The following MTUS2 variants were observed in gnomAD, a reference collection of about 807,000 sequenced individuals.
The protein encoded by MTUS2 is microtubule associated scaffold protein 2, also known as microtubule-associated tumor suppressor candidate 2.
In MTUS2, 40 loss-of-function variants were observed where a neutral mutation model predicts 114.1. The observed-to-expected ratio is 0.35, with a 90% confidence interval of 0.27 to 0.46. The LOEUF (loss-of-function observed/expected upper bound fraction) is 0.46, where lower values mean the gene tolerates loss of function less well. Ranked by LOEUF, MTUS2 falls within the 20% of genes least tolerant of loss-of-function variation. MTUS2 has a pLI of 1.00. For synonymous variants in MTUS2, 688 were observed against 672.0 expected (o/e 1.02, Z -0.37); for missense variants, 1,679 against 1,705.4 (o/e 0.98, Z 0.27).
chr13:29,316,279 G>C (rs1459550693), intron 6 of MTUS2, among the ~76,000 whole-genome samples: 1 of 152,208 alleles, frequency 6.6e-6, no homozygotes, highest in Non-Finnish European at 1.5e-5. Context: ...AACCATTTGA[G>C]AAAACTGCTC....
chr13:28,967,564 T>C (rs1157842154), intron 2 of MTUS2, among the ~76,000 whole-genome samples: 1 of 152,210 alleles, frequency 6.6e-6, no homozygotes, highest in Non-Finnish European at 1.5e-5. Context: ...TGGAAAAGCT[T>C]CTATCAAGTT....
intron 5 of MTUS2, among the ~76,000 whole-genome samples, chr13:29,278,101 G>C (rs551848107): frequency 2.0e-5 from 3 of 152,074 alleles, no homozygotes. Flanking sequence ...CTGGGACAGC[G>C]GGCTGCTATA....
chr13:29,007,801 A>T (rs1438355643), intron 2 of MTUS2, among the ~76,000 whole-genome samples: 1 of 152,190 alleles, frequency 6.6e-6, no homozygotes, highest in Non-Finnish European at 1.5e-5. Flanking sequence ...CGCACATACA[A>T]AATATATGGT....
intron 2 of MTUS2, among the ~76,000 whole-genome samples, chr13:28,876,414 A>G (rs1877933190): frequency 6.6e-6 from 1 of 152,210 alleles, no homozygotes; most frequent in South Asian, 2.1e-4. Flanking sequence ...TTCCCGCATG[A>G]CATCATCTGG....
intron 2 of MTUS2, among the ~76,000 whole-genome samples, chr13:28,979,868 T>C (rs2138289221): frequency 6.6e-6 from 1 of 152,332 alleles, no homozygotes; most frequent in Non-Finnish European, 1.5e-5. Flanking sequence ...TTTTAAAATT[T>C]GGAGCAACCT....
chr13:29,132,790 T>G (rs910143914), intron 5 of MTUS2, among the ~76,000 whole-genome samples: 1 of 152,258 alleles, frequency 6.6e-6, no homozygotes, highest in Non-Finnish European at 1.5e-5. Context: ...TTTTAGCTAC[T>G]GCAGTTAATA....
At chr13:28,916,896 T>C (rs908641157) in intron 2 of MTUS2, among the ~76,000 whole-genome samples, 13 of 151,942 alleles carry the variant, frequency 8.6e-5, no homozygotes, top group African/African-American at 3.1e-4. Flanking sequence ...TGATACTAGC[T>C]GTGGGTGTAT....
At chr13:28,949,158 C>T (rs1337682198) in intron 2 of MTUS2, among the ~76,000 whole-genome samples, 1 of 152,176 alleles carries the variant, frequency 6.6e-6, no homozygotes, top group East Asian at 1.9e-4. Flanking sequence ...TTATGGGAGG[C>T]TGACCCTCCT....
At chr13:28,870,920 T>A (rs1020381204) in intron 2 of MTUS2, among the ~76,000 whole-genome samples, 1 of 152,208 alleles carries the variant, frequency 6.6e-6, no homozygotes, top group Non-Finnish European at 1.5e-5. Context: ...ATAATTTCTA[T>A]CATGTTCTAG....
chr13:29,029,855 G>C (rs1886735477), intron 3 of MTUS2, among the ~76,000 whole-genome samples: 1 of 152,186 alleles, frequency 6.6e-6, no homozygotes. Context: ...TTACCAAAAG[G>C]AGGGCACCAA....
intron 2 of MTUS2, among the ~76,000 whole-genome samples, chr13:29,022,592 A>G (rs568157894): frequency 1.3e-5 from 2 of 152,380 alleles, no homozygotes; most frequent in Admixed American, 6.5e-5. Context: ...GAAACATAAC[A>G]GTAGCCTCAC....
intron 8 of MTUS2, 138 bp from the exon 9 acceptor site, chr13:29,439,845 C>G (rs890487108): frequency 4.1e-6 from 3 of 724,670 alleles, no homozygotes; most frequent in Non-Finnish European, 7.1e-6. Flanking sequence ...TTTTTACATG[C>G]TTATATAATG....
intron 5 of MTUS2, among the ~76,000 whole-genome samples, chr13:29,121,860 A>T (rs1182824250): frequency 6.6e-6 from 1 of 151,540 alleles, no homozygotes; most frequent in South Asian, 2.1e-4. Context: ...GGGTTTCTCC[A>T]TGTTGGTCAG....
chr13:29,217,635 G>T (rs554332067), intron 5 of MTUS2, among the ~76,000 whole-genome samples: 1 of 152,240 alleles, frequency 6.6e-6, no homozygotes, highest in East Asian at 1.9e-4. Context: ...CTAAATTTAA[G>T]GGAACATTGA....
intron 2 of MTUS2, among the ~76,000 whole-genome samples, chr13:28,853,843 G>C (rs929095045): frequency 3.3e-5 from 5 of 152,188 alleles, no homozygotes; most frequent in African/African-American, 4.8e-5. Context: ...GTTGGCCAAG[G>C]AGTTCAAGAT....
intron 1 of MTUS2, among the ~76,000 whole-genome samples, chr13:28,830,481 T>G (rs1207078920): frequency 2.2e-5 from 3 of 134,026 alleles, no homozygotes; most frequent in Non-Finnish European, 4.7e-5. Flanking sequence ...ATAGAAATTA[T>G]GGAATTGAAA....
At chr13:28,853,219 A>G (rs1307829394) in intron 2 of MTUS2, among the ~76,000 whole-genome samples, 1 of 152,218 alleles carries the variant, frequency 6.6e-6, no homozygotes, top group African/African-American at 2.4e-5. Flanking sequence ...TTCAAGAGGT[A>G]AAAAGTCCCA....
chr13:29,346,900 T>G (rs565706097), intron 7 of MTUS2, among the ~76,000 whole-genome samples: 182 of 150,640 alleles, frequency 1.2e-3, no homozygotes, highest in Admixed American at 4.5e-3. Flanking sequence ...CTTAGCTCCC[T>G]ATAAGGTCAA....
intron 5 of MTUS2, among the ~76,000 whole-genome samples, chr13:29,141,770 A>G (rs775190194): frequency 4.5e-4 from 69 of 152,296 alleles, no homozygotes; most frequent in Non-Finnish European, 7.2e-4. Flanking sequence ...ACACTGTTCT[A>G]TGTGCTAAGG....
Sources: allele counts gnomAD v4.1 joint callset (sites outside exome capture counted in the v4.1 genomes callset), GRCh38; gene constraint gnomAD v4.1.1; transcripts MANE v1.5; gene names NCBI Gene and HGNC (gene_info 2026-07-23, HGNC 2026-07-21).